The following SCFD2 variants were observed in gnomAD, a reference collection of about 807,000 sequenced individuals.
SCFD2 encodes sec1 family domain containing 2.
SCFD2 carries 54 observed loss-of-function variants against 58.9 expected under a neutral mutation model. The ratio of observed to expected loss-of-function variants is 0.92; its 90% CI spans 0.74 to 1.15. SCFD2 has a LOEUF of 1.15. SCFD2 is among the 50% of genes most tolerant of loss of function. The pLI, the probability that SCFD2 is intolerant of heterozygous loss-of-function variation, is 0.00. For missense variants in SCFD2, 805 were observed against 836.6 expected (o/e 0.96, Z 0.47); for synonymous variants, 321 against 335.9 (o/e 0.96, Z 0.49).
chr4:53,313,094 A>G (rs994448193), intron 3 of SCFD2, among the ~76,000 whole-genome samples: 13 of 151,972 alleles, frequency 8.6e-5, no homozygotes, highest in African/African-American at 2.9e-4. Context: ...GATGGATGTG[A>G]AAAAAAACAA....
chr4:53,218,760 C>T (rs1361477222), intron 4 of SCFD2, among the ~76,000 whole-genome samples: 2 of 152,168 alleles, frequency 1.3e-5, no homozygotes, highest in African/African-American at 4.8e-5. Context: ...GCTTTTTCCC[C>T]ATCTTTGTGG....
At chr4:52,998,192 A>T (rs1266913153) in intron 5 of SCFD2, among the ~76,000 whole-genome samples, 1 of 152,198 alleles carries the variant, frequency 6.6e-6, no homozygotes, top group African/African-American at 2.4e-5. Flanking sequence ...TGAAAAAAAC[A>T]TGTAACACTG....
chr4:52,991,815 ATTTTGAGTTCAGATTG>A (rs1315632035), intron 5 of SCFD2, among the ~76,000 whole-genome samples: 14 of 152,212 alleles, frequency 9.2e-5, no homozygotes, highest in South Asian at 4.1e-4. Context: ...CTGCCATTAC[ATTTTGAGTTCAGATTG>A]TTTTATCTGC....
At chr4:52,999,603 G>A (rs1342993214) in intron 5 of SCFD2, among the ~76,000 whole-genome samples, 5 of 152,152 alleles carry the variant, frequency 3.3e-5, no homozygotes, top group African/African-American at 9.7e-5. Flanking sequence ...ATGTGTGGAG[G>A]GCAGGGACAT....
At chr4:53,237,914 C>A (rs1729708736) in intron 4 of SCFD2, among the ~76,000 whole-genome samples, 1 of 100,590 alleles carries the variant, frequency 9.9e-6, no homozygotes, top group African/African-American at 3.9e-5. Context: ...GGCTGACCCC[C>A]CCACCTCCCT....
rs976467133 is a variant in SCFD2, at chr4:53,365,835, A to G, written c.107T>C (p.Leu36Pro). 6.2e-7 allele frequency: 1 copy of G among 1,613,698 alleles called. No homozygotes were observed. Among genetic ancestry groups the G allele is most frequent in the African/African-American group, 1.3e-5 (1 of 75,016 alleles). ...VYLDAACAES[L>P]HWGCGSTRLL... ...ACGGGTGGATCCGCAGCCCCAGTGC[A>G]GGCTCTCGGCGCAGGCGGCGTCCAG... Residue 36 changes from leucine (L) to proline (P), a missense_variant, in exon 1 of 9, where the codon CTG becomes CCG. Coordinates refer to ENST00000401642, the MANE Select transcript of SCFD2 (RefSeq NM_152540.4). The surrounding 1 kb of genome is among the most constrained non-coding windows in gnomAD (Gnocchi z 4.3).
At chr4:53,250,348 A>G (rs1730313781) in intron 4 of SCFD2, among the ~76,000 whole-genome samples, 1 of 152,164 alleles carries the variant, frequency 6.6e-6, no homozygotes, top group Non-Finnish European at 1.5e-5. Flanking sequence ...ACACAATAAT[A>G]ATGGGAGACT....
At chr4:53,071,491 C>G (rs1723813563) in intron 5 of SCFD2, among the ~76,000 whole-genome samples, 2 of 152,112 alleles carry the variant, frequency 1.3e-5, no homozygotes. Flanking sequence ...TTGTAATTAA[C>G]AAATTTTTCT....
intron 3 of SCFD2, among the ~76,000 whole-genome samples, chr4:53,290,332 A>C (rs1420366892): frequency 6.6e-6 from 1 of 152,152 alleles, no homozygotes; most frequent in Non-Finnish European, 1.5e-5. Context: ...TTGCAAAAAA[A>C]ATCACAAATA....
At chr4:52,915,509 G>GT (rs1172574155) in intron 6 of SCFD2, among the ~76,000 whole-genome samples, 11 of 152,212 alleles carry the variant, frequency 7.2e-5, no homozygotes, top group African/African-American at 2.4e-4. Context: ...TAAGATGACT[G>GT]TTTTTTCTCC....
intron 4 of SCFD2, among the ~76,000 whole-genome samples, chr4:53,239,947 A>G (rs1729842900): frequency 6.6e-6 from 1 of 152,196 alleles, no homozygotes; most frequent in South Asian, 2.1e-4. Context: ...CCTAGACTAC[A>G]TTGGGAGAAA....
chr4:53,073,679 G>T (rs777268642), intron 5 of SCFD2, among the ~76,000 whole-genome samples: 3 of 152,026 alleles, frequency 2.0e-5, no homozygotes, highest in Non-Finnish European at 2.9e-5. Flanking sequence ...AGATACTGTG[G>T]GTTTGGTTCC....
At chr4:53,194,345 C>A (rs1394215606) in intron 4 of SCFD2, among the ~76,000 whole-genome samples, 1 of 152,066 alleles carries the variant, frequency 6.6e-6, no homozygotes, top group Non-Finnish European at 1.5e-5. Context: ...TTGGTCAATG[C>A]TTATTCCAAT....
chr4:53,211,257 T>TGCC, intron 4 of SCFD2, among the ~76,000 whole-genome samples: 1 of 150,022 alleles, frequency 6.7e-6, no homozygotes, highest in South Asian at 2.1e-4. Context: ...AAAAAAAAAA[T>TGCC]CCAAGAGAAC....
chr4:53,073,084 C>CT (rs142107443), intron 5 of SCFD2, among the ~76,000 whole-genome samples: 1 of 152,028 alleles, frequency 6.6e-6, no homozygotes. Flanking sequence ...CATGTACATA[C>CT]TTTTTTTCCT....
At chr4:53,245,248 T>A (rs1730029842) in intron 4 of SCFD2, among the ~76,000 whole-genome samples, 1 of 151,930 alleles carries the variant, frequency 6.6e-6, no homozygotes, top group Non-Finnish European at 1.5e-5. Flanking sequence ...CTTCCCTATC[T>A]CAGTCCATGA....
chr4:53,325,115 T>TA (rs1733146350), intron 2 of SCFD2, among the ~76,000 whole-genome samples: 1 of 152,046 alleles, frequency 6.6e-6, no homozygotes, highest in Non-Finnish European at 1.5e-5. Flanking sequence ...ACTTCCCTCT[T>TA]ACTTTTGTTT....
intron 5 of SCFD2, among the ~76,000 whole-genome samples, chr4:53,089,502 C>T (rs1235632440): frequency 6.6e-6 from 1 of 152,008 alleles, no homozygotes; most frequent in African/African-American, 2.4e-5. Context: ...ATTCATTTGA[C>T]AAATAACTGA....
chr4:53,300,327 C>A (rs544669994), intron 3 of SCFD2, among the ~76,000 whole-genome samples: 2 of 152,044 alleles, frequency 1.3e-5, no homozygotes, highest in African/African-American at 4.8e-5. Flanking sequence ...GACTTTAAAC[C>A]AACAAAGATC....
Sources: allele counts gnomAD v4.1 joint callset (sites outside exome capture counted in the v4.1 genomes callset), GRCh38; gene constraint gnomAD v4.1.1; non-coding constraint Gnocchi (gnomAD v3.1); transcripts MANE v1.5; gene names NCBI Gene and HGNC (gene_info 2026-07-23, HGNC 2026-07-21).